The following DIPK2A variants were observed in gnomAD, a reference collection of about 807,000 sequenced individuals.
DIPK2A encodes the protein divergent protein kinase domain 2A.
Under a neutral mutation model 39.0 loss-of-function variants are expected in DIPK2A, and 27 were observed. That is an observed-to-expected ratio of 0.69 (90% CI 0.51 to 0.96). The LOEUF (loss-of-function observed/expected upper bound fraction) is 0.96. Among genes scored for constraint, DIPK2A ranks in the 40% least tolerant of loss-of-function variants. The pLI is 0.00. For synonymous variants in DIPK2A, 298 were observed against 240.8 expected, an observed-to-expected ratio of 1.24 and a Z score of -2.20; for missense variants, 528 against 571.3, an observed-to-expected ratio of 0.92 and a Z score of 0.77.
intron 1 of DIPK2A, among the ~76,000 whole-genome samples, chr3:143,978,249 A>G (rs1472896999): frequency 3.3e-5 from 5 of 151,938 alleles, no homozygotes; most frequent in African/African-American, 1.2e-4. Context: ...CTCATTACCC[A>G]TATGTTAAAT....
intron 1 of DIPK2A, among the ~76,000 whole-genome samples, chr3:143,976,533 T>TGA (rs1169881345): frequency 1.9e-5 from 2 of 104,152 alleles, no homozygotes; most frequent in Non-Finnish European, 3.6e-5. Flanking sequence ...AAAGGGAGAG[T>TGA]GTGTGTGTGT....
rs2087658895 is a variant in DIPK2A, at chr3:143,972,178, T to C, written c.-155T>C. On this transcript the variant is annotated 5_prime_UTR_variant, in exon 1 of 3. Coordinates refer to ENST00000315691, the MANE Select transcript of DIPK2A (RefSeq NM_173552.5). Reference sequence around the variant, plus strand: ...CAGGCCCGCGCCTTCCCGCTCCCCGTCTTCCTCTCTCACACACCTACTCCG... The same window carrying C: ...CAGGCCCGCGCCTTCCCGCTCCCCGCCTTCCTCTCTCACACACCTACTCCG... 1.8e-6 allele frequency: 1 copy of C among 565,590 alleles called. No homozygotes were observed. Among genetic ancestry groups the C allele is most frequent in the Admixed American group, 4.3e-5 (1 of 23,474 alleles). 35.0% of individuals were successfully genotyped at this position (565,590 alleles called of 1,614,324 possible). A position where few individuals can be genotyped will look rare whatever the true frequency, so the allele number is the denominator to read the frequency against.
chr3:143,978,305 G>A (rs960191918), intron 1 of DIPK2A, among the ~76,000 whole-genome samples: 14 of 151,826 alleles, frequency 9.2e-5, no homozygotes, highest in Non-Finnish European at 1.8e-4. Context: ...TACATTTGAT[G>A]AACTTTAGTA....
Position 143,989,958 on chromosome 3 carries a change from T to G in DIPK2A, c.*117T>G. The G allele has an allele frequency of 1.4e-6, 1 of 715,126 alleles. No homozygotes were observed. The highest frequency in any genetic ancestry group is 1.9e-5 in the South Asian group (1 of 51,938). 44.3% of individuals were successfully genotyped at this position (715,126 alleles called of 1,614,324 possible). ...GTGTTACATTCAGAGGATGATAAAC[T>G]TGCACTGATAGATCTTAATGTTAAC... On this transcript the variant is annotated 3_prime_UTR_variant, in exon 3 of 3. Transcript: ENST00000315691.
Position 143,972,494 on chromosome 3 carries a change from G to A in DIPK2A, c.162G>A (p.Lys54=). Residue 54 remains lysine (K), a synonymous_variant, in exon 1 of 3, where the codon AAG becomes AAA. Transcript: ENST00000315691. ...LTDRRFLQLN[K]CPACFGTSWC... is the part of the protein sequence containing the mutation. ...ACCGGCGCTTCCTGCAGCTCAATAA[G>A]TGCCCGGCGTGCTTCGGCACGAGCT... is the stretch of plus-strand genomic sequence containing the variant. 1.2e-6 allele frequency: 2 copies of A among 1,610,044 alleles called. No individual in the cohort carries two copies. Among genetic ancestry groups the A allele is most frequent in the South Asian group, 1.1e-5 (1 of 90,820 alleles).
chr3:143,976,228 A>G (rs891583535), intron 1 of DIPK2A, among the ~76,000 whole-genome samples: 5 of 152,010 alleles, frequency 3.3e-5, no homozygotes, highest in African/African-American at 1.2e-4. Context: ...TCTTCTAAAA[A>G]ATGTTTATAA....
At chr3:143,980,175 A>G (rs574157561) in intron 1 of DIPK2A, among the ~76,000 whole-genome samples, 1 of 152,240 alleles carries the variant, frequency 6.6e-6, no homozygotes, top group Non-Finnish European at 1.5e-5. Flanking sequence ...AACAGCTGTT[A>G]TAACATGCGT....
chr3:143,978,641 TATATATATATATATATATCTATATATAG>T (rs2087774261), intron 1 of DIPK2A: 4 of 26,362 alleles, frequency 1.5e-4, no homozygotes, highest in African/African-American at 9.6e-4. Flanking sequence ...TATATATATC[TATATATATATATATATATCTATATATAG>T]ATATATATAT....
At position 143,989,780 on chromosome 3, in the gene DIPK2A, G is replaced by A. The variant is rs757873518; in HGVS notation, c.1232G>A (p.Arg411Lys). ...GCCAACCCAAAGAAGCGCTATGGCAGATTCCAGGCTGCAAAAGAACTGCGT... is the reference window on the plus strand; with the variant it reads ...GCCAACCCAAAGAAGCGCTATGGCAAATTCCAGGCTGCAAAAGAACTGCGT... Reference protein sequence around the residue: ...ECANPKKRYGRFQAAKELREY... With the variant: ...ECANPKKRYGKFQAAKELREY... Residue 411 changes from arginine to lysine, a missense_variant, in exon 3 of 3, where the codon AGA (arginine) becomes AAA (lysine). Transcript: ENST00000315691. The A allele has an allele frequency of 6.2e-7, 1 of 1,614,186 alleles. No homozygotes were observed. The highest frequency in any genetic ancestry group is 2.2e-5 in the East Asian group (1 of 44,886).
intron 1 of DIPK2A, 101 bp from the exon 2 acceptor site, chr3:143,985,442 C>A: frequency 9.6e-7 from 1 of 1,036,656 alleles, no homozygotes; most frequent in Non-Finnish European, 1.4e-6. Flanking sequence ...TAAGAAAATC[C>A]AAAGTCATTC....
rs2087995716 is a variant in DIPK2A, at chr3:143,992,078, T to C, written c.*2237T>C. 1 of 152,602 alleles carries C rather than the reference T, an allele frequency of 6.6e-6. No individual in the cohort carries two copies. The highest frequency in any genetic ancestry group is 6.5e-5 in the Admixed American group (1 of 15,274). The allele number at this position is 152,602 out of a possible 1,614,324, so 9.5% of individuals were successfully genotyped here. ...AGGAATTTAAAATTACAGGGAAAAATATGTAAGTGAAAAGCAATAAATATT... is the reference window on the plus strand; with the variant it reads ...AGGAATTTAAAATTACAGGGAAAAACATGTAAGTGAAAAGCAATAAATATT... On this transcript the variant is annotated 3_prime_UTR_variant, in exon 3 of 3. Coordinates refer to ENST00000315691, the MANE Select transcript of DIPK2A (RefSeq NM_173552.5).
chr3:143,978,653 TATATATCTATATATAG>T (rs1166943901), intron 1 of DIPK2A: 3 of 50,250 alleles, frequency 6.0e-5, no homozygotes, highest in African/African-American at 3.8e-4. Context: ...TATATATATA[TATATATCTATATATAG>T]ATATATATAT....
Position 143,989,577 on chromosome 3 carries a change from A to G in DIPK2A, c.1029A>G (p.Leu343=), listed in dbSNP as rs75699419. The change falls in exon 3 of 3, where the codon TTA becomes TTG. Residue 343 remains leucine, a synonymous_variant. Transcript: ENST00000315691. ...KFDDCDKEAC[L]SFSKEILCAR... Reference sequence around the variant, plus strand: ...ATGACTGTGATAAGGAGGCTTGCTTATCATTTTCAAAAGAAATTCTTTGTG... The same window carrying G: ...ATGACTGTGATAAGGAGGCTTGCTTGTCATTTTCAAAAGAAATTCTTTGTG... 5.6e-3 allele frequency: 8,961 copies of G among 1,614,156 alleles called. 472 individuals carry two copies. In the African/African-American group the frequency reaches 0.11, roughly 19 times the overall value.
chr3:143,986,021 G>A, intron 2 of DIPK2A, 175 bp downstream of exon 2: 1 of 579,322 alleles, frequency 1.7e-6, no homozygotes, highest in Non-Finnish European at 3.0e-6. Flanking sequence ...GACTTACTGG[G>A]GGTTACATCT....
chr3:143,973,915 T>A (rs917289547), intron 1 of DIPK2A, among the ~76,000 whole-genome samples: 1 of 152,194 alleles, frequency 6.6e-6, no homozygotes, highest in Admixed American at 6.5e-5. Context: ...ATTTGCTTGT[T>A]TCTGCACATT....
chr3:143,983,632 A>G (rs769016505), intron 1 of DIPK2A, among the ~76,000 whole-genome samples: 4 of 152,232 alleles, frequency 2.6e-5, no homozygotes, highest in South Asian at 2.1e-4. Context: ...ACATCCTAAC[A>G]TCACAATTAA....
chr3:143,974,129 T>A (rs1031011619), intron 1 of DIPK2A, among the ~76,000 whole-genome samples: 2 of 152,106 alleles, frequency 1.3e-5, no homozygotes, highest in African/African-American at 4.8e-5. Flanking sequence ...GGTTTTTTTT[T>A]TTTTTATTTT....
intron 1 of DIPK2A, among the ~76,000 whole-genome samples, chr3:143,984,339 TC>T (rs2087868296): frequency 7.1e-6 from 1 of 140,522 alleles, no homozygotes; most frequent in African/African-American, 3.3e-5. Context: ...TCTGCCTATC[TC>T]GGTTTTAGAT....
chr3:143,986,938 C>A (rs1339523590), intron 2 of DIPK2A, among the ~76,000 whole-genome samples: 1 of 152,076 alleles, frequency 6.6e-6, no homozygotes, highest in African/African-American at 2.4e-5. Context: ...AAATTTACGG[C>A]ACCTGGGGAA....
Sources: allele counts gnomAD v4.1 joint callset (sites outside exome capture counted in the v4.1 genomes callset), GRCh38; gene constraint gnomAD v4.1.1; transcripts MANE v1.5; gene names NCBI Gene and HGNC (gene_info 2026-07-23, HGNC 2026-07-21).